The following CEP63 variants were observed in gnomAD, a reference collection of about 807,000 sequenced individuals.
CEP63 encodes centrosomal protein of 63 kDa.
A neutral mutation model predicts 89.1 loss-of-function variants in CEP63; 84 were observed. The ratio of observed to expected loss-of-function variants is 0.94; its 90% CI spans 0.79 to 1.13. The LOEUF (loss-of-function observed/expected upper bound fraction) is 1.13, where lower values mean the gene tolerates loss of function less well. Among genes scored for constraint, CEP63 ranks in the 50% most tolerant of loss-of-function variants. The pLI is 0.00. For synonymous variants in CEP63, 267 were observed against 272.5 expected (o/e 0.98, Z 0.20); for missense variants, 838 against 813.3 (o/e 1.03, Z -0.37).
the CEP63 span, among the ~76,000 whole-genome samples, chr3:134,693,598 A>C: frequency 2.7e-4 from 41 of 152,366 alleles, no homozygotes; most frequent in South Asian, 8.3e-3. Context: ...ACAGAAAAAT[A>C]TGCGCTCATT....
chr3:134,534,135 T>C (rs1399364794), intron 5 of CEP63, among the ~76,000 whole-genome samples: 2 of 152,194 alleles, frequency 1.3e-5, no homozygotes, highest in Non-Finnish European at 2.9e-5. Flanking sequence ...CTCTGGGTTA[T>C]TTCCTTGGCT....
the CEP63 span, among the ~76,000 whole-genome samples, chr3:134,712,160 G>A: frequency 6.6e-6 from 1 of 152,222 alleles, no homozygotes; most frequent in East Asian, 1.9e-4. Flanking sequence ...GGTGAGAGCA[G>A]GTTTTTGTTG....
chr3:134,650,864 G>A, the CEP63 span: 4 of 1,611,056 alleles, frequency 2.5e-6, no homozygotes, highest in South Asian at 3.3e-5. Flanking sequence ...TTCGCCTGCT[G>A]GTCTGAGAGC....
At chr3:134,740,214 C>T in the CEP63 span, among the ~76,000 whole-genome samples, 3 of 152,134 alleles carry the variant, frequency 2.0e-5, no homozygotes, top group South Asian at 2.1e-4. Flanking sequence ...TCTCGCTCCT[C>T]TTCAGTCATT....
intron 3 of CEP63, among the ~76,000 whole-genome samples, chr3:134,529,737 G>A (rs1949474922): frequency 6.6e-6 from 1 of 151,834 alleles, no homozygotes; most frequent in African/African-American, 2.4e-5. Flanking sequence ...AAACTCCTGG[G>A]CTCAAGCCAT....
At chr3:134,701,335 CACATATACGTATATATGTGT>C in the CEP63 span, among the ~76,000 whole-genome samples, 31 of 12,266 alleles carry the variant, frequency 2.5e-3, no homozygotes, top group Admixed American at 6.9e-3. Flanking sequence ...CATATACACA[CACATATACGTATATATGTGT>C]ATATATACAT....
At chr3:134,496,010 T>C (rs1393246968) in intron 2 of CEP63, among the ~76,000 whole-genome samples, 1 of 152,234 alleles carries the variant, frequency 6.6e-6, no homozygotes, top group East Asian at 1.9e-4. Flanking sequence ...ATCTTGGTTA[T>C]TGTGAATAAT....
intron 10 of CEP63, among the ~76,000 whole-genome samples, chr3:134,586,790 G>T (rs1215242023): frequency 6.6e-6 from 1 of 152,042 alleles, no homozygotes; most frequent in Non-Finnish European, 1.5e-5. Context: ...GAGTGTTTTC[G>T]AACTTGGTTC....
At chr3:134,733,874 T>C in the CEP63 span, among the ~76,000 whole-genome samples, 1 of 150,882 alleles carries the variant, frequency 6.6e-6, no homozygotes, top group African/African-American at 2.5e-5. Context: ...CGCATGTAGA[T>C]GGATACTTCC....
At chr3:134,780,274 A>G in the CEP63 span, among the ~76,000 whole-genome samples, 2 of 152,224 alleles carry the variant, frequency 1.3e-5, no homozygotes, top group East Asian at 1.9e-4. Flanking sequence ...GTCGAAATAT[A>G]TAATATAAAA....
rs547682772 is a variant in CEP63 at position 134,546,336 on chromosome 3, G to C, written c.929+48G>C. On this transcript the variant is annotated intron_variant, in intron 8 of 14. Transcript: ENST00000675561. ...TTCATCTTAGCCACTTAATGACTAGGTATTAAGCACTAGGCTTATTTTTAT... is the reference window on the plus strand; with the variant it reads ...TTCATCTTAGCCACTTAATGACTAGCTATTAAGCACTAGGCTTATTTTTAT... 406 of 1,493,008 alleles carry C rather than the reference G, an allele frequency of 2.7e-4. 5 individuals carry two copies. In the South Asian group the frequency reaches 4.7e-3, roughly 17 times the overall value. The allele number at this position is 1,493,008 out of a possible 1,614,324, so 92.5% of individuals were successfully genotyped here.
At chr3:134,515,543 G>T (rs115252237) in intron 3 of CEP63, among the ~76,000 whole-genome samples, 3 of 152,184 alleles carry the variant, frequency 2.0e-5, no homozygotes, top group Non-Finnish European at 2.9e-5. Context: ...AGCAGAAGCC[G>T]AAAGCATTAC....
At chr3:134,744,674 C>A in the CEP63 span, among the ~76,000 whole-genome samples, 1 of 152,146 alleles carries the variant, frequency 6.6e-6, no homozygotes, top group Non-Finnish European at 1.5e-5. Context: ...GCCACCATGC[C>A]TGGCTAATTT....
chr3:134,584,515 C>T (rs1305005444), intron 10 of CEP63, among the ~76,000 whole-genome samples: 1 of 152,122 alleles, frequency 6.6e-6, no homozygotes, highest in Non-Finnish European at 1.5e-5. Flanking sequence ...TCTTGAATCC[C>T]AGGGATGAAG....
At chr3:134,637,499 T>C in the CEP63 span, among the ~76,000 whole-genome samples, 1 of 152,360 alleles carries the variant, frequency 6.6e-6, no homozygotes, top group South Asian at 2.1e-4. Flanking sequence ...TAAAGAACTC[T>C]ATTTGACCCA....
intron 5 of CEP63, chr3:134,536,612 G>T (rs1240779705): frequency 6.0e-6 from 1 of 166,870 alleles, no homozygotes; most frequent in Non-Finnish European, 1.3e-5. Context: ...CAGTTCCTCT[G>T]TTGAGATAAT....
the CEP63 span, among the ~76,000 whole-genome samples, chr3:134,615,701 A>G: frequency 6.6e-6 from 1 of 150,552 alleles, no homozygotes. Context: ...CAGAGGCCTT[A>G]TACACCAGCA....
chr3:134,685,718 C>T, the CEP63 span, among the ~76,000 whole-genome samples: 2 of 152,230 alleles, frequency 1.3e-5, no homozygotes, highest in South Asian at 2.1e-4. Context: ...ACTTTAACTA[C>T]TGAACCCAGG....
the CEP63 span, among the ~76,000 whole-genome samples, chr3:134,612,176 A>G: frequency 6.6e-6 from 1 of 152,186 alleles, no homozygotes; most frequent in Middle Eastern, 3.2e-3. Context: ...AAGGAGGTTC[A>G]GGCCTCCTAA....
Sources: gnomAD v4.1 joint callset for allele counts (sites outside exome capture counted in the v4.1 genomes callset) on GRCh38, gnomAD v4.1.1 for gene constraint, MANE v1.5 for transcripts, NCBI Gene and HGNC (gene_info 2026-07-23, HGNC 2026-07-21) for gene names.